The following WNT2 variants were observed in gnomAD, a reference collection of about 807,000 sequenced individuals.
WNT2 encodes Wnt family member 2.
Under a neutral mutation model 36.9 loss-of-function variants are expected in WNT2, and 12 were observed. That is an observed-to-expected ratio of 0.33 (90% confidence interval 0.21 to 0.53). The LOEUF (loss-of-function observed/expected upper bound fraction) is 0.53. WNT2 is among the 20% of genes least tolerant of loss of function. The pLI, the probability that WNT2 is intolerant of heterozygous loss-of-function variation, is 0.95. For synonymous variants in WNT2, 163 were observed against 174.6 expected, an observed-to-expected ratio of 0.93 and a Z score of 0.52; for missense variants, 379 against 473.1, an observed-to-expected ratio of 0.80 and a Z score of 1.84.
At chr7:117,321,669 C>G (rs538448919) in intron 1 of WNT2, among the ~76,000 whole-genome samples, 107 of 152,240 alleles carry the variant, frequency 7.0e-4, no homozygotes, top group Non-Finnish European at 6.9e-4. Context: ...AAAATCGTTA[C>G]AGCTGTGACT....
chr7:117,293,793 G>A (rs1020077289), intron 4 of WNT2, among the ~76,000 whole-genome samples: 7 of 152,032 alleles, frequency 4.6e-5, no homozygotes, highest in African/African-American at 1.7e-4. Flanking sequence ...GTGCATGCTG[G>A]TAGCTCTCCA....
At chr7:117,280,777 A>G (rs1020170736) in intron 4 of WNT2, among the ~76,000 whole-genome samples, 5 of 152,236 alleles carry the variant, frequency 3.3e-5, no homozygotes, top group African/African-American at 9.6e-5. Context: ...ATAATGAGAT[A>G]GTGCATGAAA....
intron 3 of WNT2, 125 bp from the exon 4 acceptor site, chr7:117,298,001 G>A: frequency 7.6e-7 from 1 of 1,312,498 alleles, no homozygotes. Context: ...AAGTGACTGG[G>A]AAATGTTGAA....
At chr7:117,306,641 TG>T (rs756068507) in intron 3 of WNT2, among the ~76,000 whole-genome samples, 1 of 152,218 alleles carries the variant, frequency 6.6e-6, no homozygotes, top group Non-Finnish European at 1.5e-5. Context: ...CCTTCTCGTA[TG>T]CTCCTGTTCT....
At position 117,277,039 on chromosome 7, in the gene WNT2, G is replaced by A. The variant is rs1191558694; in HGVS notation, c.*1116C>T. ...CAGGTCTTTAAACTGGGCTTGAAGG[G>A]TGATGGGCATTAGCAGACGGCGGAC... On this transcript the variant is annotated 3_prime_UTR_variant, in exon 5 of 5. Coordinates refer to ENST00000265441, the MANE Select transcript of WNT2 (RefSeq NM_003391.3). The A allele has an allele frequency of 6.5e-6, 1 of 152,860 alleles. No homozygotes were observed. Among genetic ancestry groups the A allele is most frequent in the Non-Finnish European group, 1.5e-5 (1 of 68,434 alleles). 9.5% of individuals were successfully genotyped at this position (152,860 alleles called of 1,614,324 possible).
At chr7:117,280,773 A>G (rs1584673956) in intron 4 of WNT2, among the ~76,000 whole-genome samples, 4 of 152,366 alleles carry the variant, frequency 2.6e-5, no homozygotes, top group Non-Finnish European at 5.9e-5. Flanking sequence ...GAACATAATG[A>G]GATAGTGCAT....
intron 4 of WNT2, among the ~76,000 whole-genome samples, chr7:117,295,493 A>G (rs1794773409): frequency 9.2e-6 from 1 of 109,106 alleles, no homozygotes; most frequent in Admixed American, 1.2e-4. Context: ...CTGTGGGGTA[A>G]AAAAAAATAT....
rs1421210169 is a variant in WNT2 at position 117,322,518 on chromosome 7, T to C, written c.83+389A>G. ...GGGGCTGGGATGGGGGAGGCGGTTG[T>C]AGTTTTCAAGGTGAATTTACACACA... On this transcript the variant is annotated intron_variant, in intron 1 of 4. Coordinates refer to ENST00000265441, the MANE Select transcript of WNT2 (RefSeq NM_003391.3). The surrounding 1 kb of genome is among the most constrained non-coding windows in gnomAD (Gnocchi z 5.4). 1.4e-5 allele frequency among the ~76,000 whole-genome samples: 2 copies of C among 142,780 alleles called. No homozygotes were observed. Among genetic ancestry groups the C allele is most frequent in the Non-Finnish European group, 3.0e-5 (2 of 66,146 alleles). The allele number at this position is 142,780 out of a possible 152,430, so 93.7% of individuals were successfully genotyped here. A position where few individuals can be genotyped will look rare whatever the true frequency, so the allele number is the denominator to read the frequency against.
chr7:117,305,119 C>T (rs971140344), intron 3 of WNT2, among the ~76,000 whole-genome samples: 3 of 152,140 alleles, frequency 2.0e-5, no homozygotes, highest in African/African-American at 7.2e-5. Context: ...TTGGACTGCT[C>T]GGGAGCACCG....
chr7:117,301,697 T>C (rs1794908766), intron 3 of WNT2, among the ~76,000 whole-genome samples: 1 of 152,172 alleles, frequency 6.6e-6, no homozygotes, highest in South Asian at 2.1e-4. Context: ...CTCAGATGTG[T>C]GCTATTTCTG....
intron 4 of WNT2, among the ~76,000 whole-genome samples, chr7:117,288,447 G>A (rs1327462009): frequency 6.6e-6 from 1 of 152,122 alleles, no homozygotes; most frequent in African/African-American, 2.4e-5. Flanking sequence ...TATGAAATTT[G>A]CATATCTTTA....
chr7:117,311,428 T>C (rs1297075303), intron 3 of WNT2, among the ~76,000 whole-genome samples: 1 of 152,154 alleles, frequency 6.6e-6, no homozygotes, highest in Non-Finnish European at 1.5e-5. Context: ...ACTCCCAGGA[T>C]CTAGTACTTC....
In WNT2 at chr7:117,315,218, G is replaced by A. The variant is rs2116386906; in HGVS notation, c.441C>T (p.Asp147=). ...CDPKKMGSAK[D]SKGIFDWGGC... ...CACCCCAATCAAAAATGCCTTTGCTGTCCTTGGCGCTTCCCATCTTCTTTG... is the reference window on the plus strand; with the variant it reads ...CACCCCAATCAAAAATGCCTTTGCTATCCTTGGCGCTTCCCATCTTCTTTG... Residue 147 remains aspartate (D), a synonymous_variant, in exon 3 of 5, where the codon GAC becomes GAT. Coordinates refer to ENST00000265441, the MANE Select transcript of WNT2 (RefSeq NM_003391.3). The A allele has an allele frequency of 6.2e-7, 1 of 1,614,152 alleles. No individual in the cohort carries two copies. The highest frequency in any genetic ancestry group is 1.1e-5 in the South Asian group (1 of 91,068).
At chr7:117,279,470 A>AT (rs1794441934) in intron 4 of WNT2, among the ~76,000 whole-genome samples, 1 of 152,190 alleles carries the variant, frequency 6.6e-6, no homozygotes, top group Non-Finnish European at 1.5e-5. Context: ...TTGATTTGTG[A>AT]TTTTGACACA....
chr7:117,297,734 A>G lies in WNT2; in HGVS notation c.731T>C (p.Val244Ala), dbSNP rs748756742. 3.1e-6 allele frequency: 5 copies of G among 1,614,020 alleles called. No homozygotes were observed. In the African/African-American group the frequency reaches 5.3e-5, roughly 17 times the overall value. ...ACCTGTGCCATCCTGGTTCATGACC[A>G]CCTGGATGGCCCCATTGTACTTCCT... ...LWRKYNGAIQ[V>A]VMNQDGTGFT... is the part of the protein sequence containing the mutation. Residue 244 changes from valine (V) to alanine (A), a missense_variant, in exon 4 of 5, where the codon GTG (valine) becomes GCG (alanine). Coordinates refer to ENST00000265441, the MANE Select transcript of WNT2 (RefSeq NM_003391.3).
rs1002816016 is a variant in WNT2, at chr7:117,284,383, A to G, written c.854-5999T>C. On this transcript the variant is annotated intron_variant, in intron 4 of 4. Coordinates refer to ENST00000265441, the MANE Select transcript of WNT2 (RefSeq NM_003391.3). This position sits in a 1 kb window ranked among gnomAD's most constrained non-coding sequence, Gnocchi z 5.2. ...GTGTATGTGTGTGTGTTTTAATGAAAAGGAGCCACTGACTTTTACCAACTG... is the reference window on the plus strand; with the variant it reads ...GTGTATGTGTGTGTGTTTTAATGAAGAGGAGCCACTGACTTTTACCAACTG... Among the ~76,000 whole-genome samples, 3 of 152,198 alleles carry G rather than the reference A, an allele frequency of 2.0e-5. No homozygotes were observed. The East Asian group carries it at 5.8e-4, about 29-fold the overall frequency.
At chr7:117,304,895 C>T (rs1397298072) in intron 3 of WNT2, among the ~76,000 whole-genome samples, 1 of 152,178 alleles carries the variant, frequency 6.6e-6, no homozygotes, top group African/African-American at 2.4e-5. Flanking sequence ...TTTCCACCCC[C>T]TTACTCATGT....
In WNT2 at chr7:117,323,042, G is replaced by C. The variant is rs1378124035; in HGVS notation, c.-53C>G. ...CAGACTCCGTGTGCGGGCGCCATGC[G>C]TGCCCAGAGCAGAAGCGCTCAGCTC... On this transcript the variant is annotated 5_prime_UTR_variant, in exon 1 of 5. Coordinates refer to ENST00000265441, the MANE Select transcript of WNT2 (RefSeq NM_003391.3). 4 of 1,524,162 alleles carry C rather than the reference G, an allele frequency of 2.6e-6. No homozygotes were observed. Among genetic ancestry groups the C allele is most frequent in the Non-Finnish European group, 1.8e-6 (2 of 1,125,510 alleles). 94.4% of individuals were successfully genotyped at this position (1,524,162 alleles called of 1,614,324 possible).
At chr7:117,291,236 C>T (rs368812826) in intron 4 of WNT2, among the ~76,000 whole-genome samples, 7 of 152,248 alleles carry the variant, frequency 4.6e-5, no homozygotes, top group South Asian at 2.1e-4. Context: ...TTGGGTTTTT[C>T]GCAGGCAACA....
Sources: allele counts gnomAD v4.1 joint callset (sites outside exome capture counted in the v4.1 genomes callset), GRCh38; gene constraint gnomAD v4.1.1; non-coding constraint Gnocchi (gnomAD v3.1); transcripts MANE v1.5; gene names NCBI Gene and HGNC (gene_info 2026-07-23, HGNC 2026-07-21).